Variants in CYB561 observed in about 807,000 individuals in gnomAD.
CYB561 encodes transmembrane ascorbate-dependent reductase CYB561.
In CYB561, 11 loss-of-function variants were observed where a neutral mutation model predicts 25.3. The observed-to-expected ratio is 0.44, with a 90% CI of 0.27 to 0.72. CYB561 has a LOEUF of 0.72. Ranked by LOEUF, CYB561 falls within the 30% of genes least tolerant of loss-of-function variation. The pLI, the probability that CYB561 is intolerant of heterozygous loss-of-function variation, is 0.18. For synonymous variants in CYB561, 165 were observed against 158.8 expected (o/e 1.04, Z -0.29); for missense variants, 295 against 334.9 (o/e 0.88, Z 0.93).
intron 1 of CYB561, chr17:63,440,352 C>T (rs1006009607): frequency 7.5e-6 from 3 of 398,608 alleles, no homozygotes; most frequent in Non-Finnish European, 1.3e-5. Context: ...CCCAGGCCGC[C>T]GCATGCTGGC....
chr17:63,437,785 C>G (rs1599118380), intron 1 of CYB561: 2 of 473,292 alleles, frequency 4.2e-6, no homozygotes, highest in Non-Finnish European at 7.5e-6. Flanking sequence ...GCAACACCCC[C>G]CCCGGGTTGC....
Position 63,434,357 on chromosome 17 carries a change from C to A in CYB561, c.*45G>T. On this transcript the variant is annotated 3_prime_UTR_variant, in exon 6 of 6. Transcript: ENST00000360793. ...AGTCCTGAAGACGCCTCAGCAGGGG[C>A]AGGCAAGAAGACACCCCGCGAACCC... The A allele has an allele frequency of 6.7e-7, 1 of 1,483,674 alleles. No homozygotes were observed. Among genetic ancestry groups the A allele is most frequent in the Non-Finnish European group, 9.0e-7 (1 of 1,107,066 alleles). 91.9% of individuals were successfully genotyped at this position (1,483,674 alleles called of 1,614,324 possible).
intron 1 of CYB561, among the ~76,000 whole-genome samples, chr17:63,441,025 G>A (rs561756770): frequency 6.4e-4 from 97 of 152,296 alleles, no homozygotes; most frequent in Non-Finnish European, 1.1e-3. Flanking sequence ...GGAGTACAAA[G>A]GGCAGGAGAG....
chr17:63,437,970 G>GGGGC, intron 1 of CYB561: 2 of 643,050 alleles, frequency 3.1e-6, no homozygotes, highest in Non-Finnish European at 2.5e-6. Flanking sequence ...TCCCACGGCG[G>GGGGC]CCCCGCCACC....
chr17:63,443,704 A>G (rs1179327539), intron 1 of CYB561, among the ~76,000 whole-genome samples: 1 of 152,224 alleles, frequency 6.6e-6, no homozygotes, highest in African/African-American at 2.4e-5. Context: ...CATAGCTCAC[A>G]GCAGCCTCGA....
chr17:63,443,709 C>T (rs2049397728), intron 1 of CYB561, among the ~76,000 whole-genome samples: 1 of 152,210 alleles, frequency 6.6e-6, no homozygotes, highest in Admixed American at 6.5e-5. Context: ...CTCACAGCAG[C>T]CTCGAACTCC....
At chr17:63,442,024 G>A (rs1011341439) in intron 1 of CYB561, among the ~76,000 whole-genome samples, 4 of 152,204 alleles carry the variant, frequency 2.6e-5, no homozygotes, top group Non-Finnish European at 4.4e-5. Flanking sequence ...CCAGGCACCC[G>A]GGGCACCTGG....
At position 63,436,066 on chromosome 17, in the gene CYB561, T is replaced by C. The variant is rs751086600; in HGVS notation, c.289A>G (p.Ile97Val). Residue 97 changes from isoleucine (I) to valine (V), a missense_variant, in exon 3 of 6, where the codon ATC becomes GTC. By Grantham distance (29) the Ile-to-Val change is conservative. Transcript: ENST00000360793. The surrounding 1 kb of genome is among the most constrained non-coding windows in gnomAD (Gnocchi z 4.8). ...CCCGGGAACTCACCAACCAGGGCGA[T>C]GACGAGCGCAAAGATGTGCAGCAGC... ...HGLLHIFALV[I>V]ALVGLVAVFD... 7.4e-6 allele frequency: 12 copies of C among 1,614,170 alleles called. No homozygotes were observed. The highest frequency in any genetic ancestry group is 4.5e-5 in the East Asian group (2 of 44,878).
At chr17:63,438,100 TC>T in intron 1 of CYB561, 1 of 1,530,746 alleles carries the variant, frequency 6.5e-7, no homozygotes, top group South Asian at 1.2e-5. Flanking sequence ...GGGCCCAGCC[TC>T]CCCACGGGGA....
chr17:63,438,326 G>GAAA, intron 1 of CYB561: 1 of 882,066 alleles, frequency 1.1e-6, no homozygotes, highest in Non-Finnish European at 1.7e-6. Flanking sequence ...CTTTTCTCCA[G>GAAA]ACGCGTCATG....
chr17:63,433,729 A>G lies in CYB561; in HGVS notation c.*673T>C. 4.0e-6 allele frequency: 1 copy of G among 253,012 alleles called. No individual in the cohort carries two copies. The highest frequency in any genetic ancestry group is 7.3e-5 in the East Asian group (1 of 13,666). 15.7% of individuals were successfully genotyped at this position (253,012 alleles called of 1,614,324 possible). ...GGCCCGCCTGCATCTGCCAAGAGAA[A>G]GTCTGTCTGAAGTCATGGGCTTCTA... is the stretch of plus-strand genomic sequence containing the variant. On this transcript the variant is annotated 3_prime_UTR_variant, in exon 6 of 6. Coordinates refer to ENST00000360793, the MANE Select transcript of CYB561 (RefSeq NM_001915.4).
Position 63,436,056 on chromosome 17 carries a change from A to G in CYB561, c.299T>C (p.Val100Ala). 6.2e-7 allele frequency: 1 copy of G among 1,614,174 alleles called. No individual in the cohort carries two copies. Among genetic ancestry groups the G allele is most frequent in the Non-Finnish European group, 8.5e-7 (1 of 1,180,010 alleles). Residue 100 changes from valine (V) to alanine (A), a missense_variant and splice_region_variant, in exon 3 of 6, where the codon GTT (valine) becomes GCT (alanine). Physicochemically the swap from Val to Ala is moderately conservative, Grantham distance 64 (BLOSUM62 0). Coordinates refer to ENST00000360793, the MANE Select transcript of CYB561 (RefSeq NM_001915.4). This position sits in a 1 kb window ranked among gnomAD's most constrained non-coding sequence, Gnocchi z 4.8. Reference sequence around the variant, plus strand: ...GAAGGCCGCGCCCGGGAACTCACCAACCAGGGCGATGACGAGCGCAAAGAT... The same window carrying G: ...GAAGGCCGCGCCCGGGAACTCACCAGCCAGGGCGATGACGAGCGCAAAGAT... ...LHIFALVIAL[V>A]GLVAVFDYHR...
In CYB561 at chr17:63,434,152, A is replaced by G. The variant is rs1425676130; in HGVS notation, c.*250T>C. 4 of 466,808 alleles carry G rather than the reference A, an allele frequency of 8.6e-6. No individual in the cohort carries two copies. The highest frequency in any genetic ancestry group is 1.5e-5 in the Non-Finnish European group (4 of 260,642). 28.9% of individuals were successfully genotyped at this position (466,808 alleles called of 1,614,324 possible). Reference sequence around the variant, plus strand: ...GACCGAACACCCGAAGTCCTACCCAAAGCCTTCTGCACTGAAGGGGGCAAC... The same window carrying G: ...GACCGAACACCCGAAGTCCTACCCAGAGCCTTCTGCACTGAAGGGGGCAAC... On this transcript the variant is annotated 3_prime_UTR_variant, in exon 6 of 6. Coordinates refer to ENST00000360793, the MANE Select transcript of CYB561 (RefSeq NM_001915.4).
rs112342794 is a variant in CYB561 at position 63,433,208 on chromosome 17, T to G, written c.*1194A>C. On this transcript the variant is annotated 3_prime_UTR_variant, in exon 6 of 6. Transcript: ENST00000360793. The stretch of plus-strand genomic sequence containing the variant: ...CCACCACGCCTGGCTAATTTTTTTG[T>G]ATTTTTAGTAGAGACGGGGTTTCAC... The G allele has an allele frequency of 5.1e-6, 2 of 388,768 alleles. No individual in the cohort carries two copies. The highest frequency in any genetic ancestry group is 1.4e-4 in the South Asian group (1 of 7,050). 24.1% of individuals were successfully genotyped at this position (388,768 alleles called of 1,614,324 possible).
At chr17:63,438,228 T>C in intron 1 of CYB561, 1 of 1,535,460 alleles carries the variant, frequency 6.5e-7, no homozygotes, top group Non-Finnish European at 8.7e-7. Flanking sequence ...TTCTGTTTCA[T>C]GAGGCCCTGG....
At position 63,437,433 on chromosome 17, in the gene CYB561, G is replaced by T; in HGVS notation, c.115C>A (p.Arg39=). The T allele has an allele frequency of 6.2e-7, 1 of 1,614,008 alleles. No homozygotes were observed. ...TCGCTCTCCCAGGCAATGCCGCCTC[G>T]GTACAGCCCGAGCCACGCGCCGGTC... ...AMTGAWLGLY[R]GGIAWESDLQ... is the part of the protein sequence containing the mutation. Residue 39 remains arginine (R), a synonymous_variant, in exon 2 of 6, where the codon CGA becomes AGA. Transcript: ENST00000360793.
At chr17:63,443,744 C>T (rs2049398111) in intron 1 of CYB561, among the ~76,000 whole-genome samples, 1 of 152,218 alleles carries the variant, frequency 6.6e-6, no homozygotes, top group Non-Finnish European at 1.5e-5. Context: ...CCTCCCACCT[C>T]AGCCTCTCAA....
intron 1 of CYB561, 150 bp from the exon 2 acceptor site, chr17:63,437,710 G>A (rs1305301719): frequency 1.8e-6 from 1 of 544,926 alleles, no homozygotes; most frequent in Non-Finnish European, 3.1e-6. Flanking sequence ...CCGGAGATAA[G>A]CACGGTCCCC....
chr17:63,438,484 G>A (rs1347510212), intron 1 of CYB561, among the ~76,000 whole-genome samples: 36 of 10,946 alleles, frequency 3.3e-3, no homozygotes, highest in South Asian at 0.021. Context: ...CCCGCTCCCC[G>A]CCCGGCCGCG....
Sources: allele counts gnomAD v4.1 joint callset (sites outside exome capture counted in the v4.1 genomes callset), GRCh38; gene constraint gnomAD v4.1.1; non-coding constraint Gnocchi (gnomAD v3.1); transcripts MANE v1.5; gene names NCBI Gene and HGNC (gene_info 2026-07-23, HGNC 2026-07-21).